ZNF503: variants seen among roughly 807,000 people sequenced by gnomAD.
ZNF503 encodes zinc finger protein 503.
ZNF503 carries 15 observed loss-of-function variants against 34.4 expected under a neutral mutation model. That is an observed-to-expected ratio of 0.44 (90% CI 0.29 to 0.67). ZNF503 has a LOEUF of 0.67. Ranked by LOEUF, ZNF503 falls within the 30% of genes least tolerant of loss-of-function variation. The pLI, the probability that ZNF503 is intolerant of heterozygous loss-of-function variation, is 0.13. For missense variants in ZNF503, 1,007 were observed against 926.8 expected (o/e 1.09, Z -1.12); for synonymous variants, 580 against 456.8 (o/e 1.27, Z -3.44).
the ZNF503 span, among the ~76,000 whole-genome samples, chr10:75,368,366 G>A: frequency 6.6e-6 from 1 of 152,020 alleles, no homozygotes; most frequent in African/African-American, 2.4e-5. Flanking sequence ...AGAAAGAGAA[G>A]GGTTCAAAAA....
At chr10:75,353,194 C>T in the ZNF503 span, among the ~76,000 whole-genome samples, 1 of 152,228 alleles carries the variant, frequency 6.6e-6, no homozygotes, top group African/African-American at 2.4e-5. Flanking sequence ...GCATTGTTTA[C>T]TGATGTTCAG....
chr10:75,400,306 G>C lies in ZNF503; in HGVS notation c.384C>G (p.Pro128=). The C allele has an allele frequency of 2.5e-6, 4 of 1,613,058 alleles. No individual in the cohort carries two copies. The highest frequency in any genetic ancestry group is 3.4e-6 in the Non-Finnish European group (4 of 1,179,600). The part of the protein sequence containing the change: ...QTCSQIGKPD[P]SPSSKLSSVA... ...CCGAGGAGAGTTTGGAGGAGGGCGA[G>C]GGGTCGGGCTTCCCGATCTGCGAAC... Residue 128 remains proline, a synonymous_variant, in exon 2 of 2, where the codon CCC becomes CCG. Transcript: ENST00000372524.
the ZNF503 span, among the ~76,000 whole-genome samples, chr10:75,311,818 T>C: frequency 6.6e-6 from 1 of 151,992 alleles, no homozygotes; most frequent in Non-Finnish European, 1.5e-5. Context: ...ATTAATACAG[T>C]TGTTTTCTCA....
chr10:75,316,690 A>G, the ZNF503 span, among the ~76,000 whole-genome samples: 1 of 152,194 alleles, frequency 6.6e-6, no homozygotes, highest in African/African-American at 2.4e-5. Flanking sequence ...AAATTTAAGA[A>G]GATAGGAATC....
chr10:75,376,982 G>A, the ZNF503 span, among the ~76,000 whole-genome samples: 1 of 152,190 alleles, frequency 6.6e-6, no homozygotes, highest in Non-Finnish European at 1.5e-5. Context: ...GGGATACAGA[G>A]CCAAACTATA....
At chr10:75,343,531 A>G in the ZNF503 span, among the ~76,000 whole-genome samples, 2 of 151,482 alleles carry the variant, frequency 1.3e-5, no homozygotes, top group Admixed American at 6.6e-5. Flanking sequence ...GCCTGTCTCT[A>G]CTCCCCACTG....
the ZNF503 span, among the ~76,000 whole-genome samples, chr10:75,372,817 C>T: frequency 6.6e-6 from 1 of 152,216 alleles, no homozygotes; most frequent in East Asian, 1.9e-4. Context: ...TTTGGGTCCC[C>T]ATGGCACCCT....
the ZNF503 span, among the ~76,000 whole-genome samples, chr10:75,370,459 C>T: frequency 2.0e-5 from 3 of 152,154 alleles, no homozygotes; most frequent in East Asian, 1.9e-4. Flanking sequence ...TGCTTGTGGC[C>T]GAATCCTGCG....
rs1843774741 is a variant in ZNF503, at chr10:75,400,258, C to T, written c.432G>A (p.Ala144=). ...LSSVASNGGG[A]GGAGGGAAGD... ...CCGCAGCACCGCCGCCGGCACCGCC[C>T]GCGCCGCCCCCGTTGGAGGCAACCG... The change falls in exon 2 of 2, where the codon GCG becomes GCA. Residue 144 remains alanine, a synonymous_variant. Coordinates refer to ENST00000372524, the MANE Select transcript of ZNF503 (RefSeq NM_032772.6). 2 of 1,612,680 alleles carry T rather than the reference C, an allele frequency of 1.2e-6. No individual in the cohort carries two copies. Among genetic ancestry groups the T allele is most frequent in the African/African-American group, 1.3e-5 (1 of 74,938 alleles).
the ZNF503 span, among the ~76,000 whole-genome samples, chr10:75,388,350 CAT>C: frequency 6.6e-6 from 1 of 152,212 alleles, no homozygotes; most frequent in African/African-American, 2.4e-5. Flanking sequence ...AAGCCACTAA[CAT>C]AACATCACTG....
chr10:75,378,173 G>A, the ZNF503 span, among the ~76,000 whole-genome samples: 1 of 152,080 alleles, frequency 6.6e-6, no homozygotes, highest in African/African-American at 2.4e-5. Context: ...CTCCAGCACT[G>A]GGGATTACAT....
At chr10:75,343,786 G>C in the ZNF503 span, among the ~76,000 whole-genome samples, 758 of 152,292 alleles carry the variant, frequency 5.0e-3, 3 homozygotes, top group Non-Finnish European at 5.2e-3. Flanking sequence ...GCCTGCTCCA[G>C]AGCACAGAGG....
At chr10:75,361,852 G>A in the ZNF503 span, among the ~76,000 whole-genome samples, 1 of 152,158 alleles carries the variant, frequency 6.6e-6, no homozygotes, top group Non-Finnish European at 1.5e-5. Context: ...TGTGTGCCTG[G>A]GCGTGGGAAG....
chr10:75,367,935 C>T, the ZNF503 span, among the ~76,000 whole-genome samples: 1 of 152,174 alleles, frequency 6.6e-6, no homozygotes, highest in African/African-American at 2.4e-5. Context: ...TTGGCCCTGC[C>T]TTTTTCCAAG....
chr10:75,333,387 G>A, the ZNF503 span, among the ~76,000 whole-genome samples: 1 of 49,138 alleles, frequency 2.0e-5, no homozygotes. Context: ...CCTCCCGGAC[G>A]GGGCGGCTGG....
At chr10:75,290,450 G>C in the ZNF503 span, among the ~76,000 whole-genome samples, 1 of 152,284 alleles carries the variant, frequency 6.6e-6, no homozygotes, top group South Asian at 2.1e-4. Context: ...CTAGGAACCA[G>C]CATTGCTGGA....
chr10:75,304,986 A>G, the ZNF503 span, among the ~76,000 whole-genome samples: 3 of 152,182 alleles, frequency 2.0e-5, no homozygotes. Context: ...GCTTAGATGA[A>G]AAGATGGCTA....
In ZNF503 at chr10:75,400,365, T is replaced by C. The variant is rs1303855672; in HGVS notation, c.325A>G (p.Lys109Glu). Residue 109 changes from lysine (K) to glutamate (E), a missense_variant, in exon 2 of 2, where the codon AAG becomes GAG. Transcript: ENST00000372524. ...GCCAACAGCGCCAGCGGGCTCTTCT[T>C]GGCATCGAGCTGCGGGGTCAGACGA... ...TPVSPIELDAKKSPLALLAQT... is the reference protein window; with the variant it reads ...TPVSPIELDAEKSPLALLAQT... The C allele has an allele frequency of 6.2e-7, 1 of 1,607,374 alleles. No homozygotes were observed. The highest frequency in any genetic ancestry group is 1.7e-5 in the Admixed American group (1 of 59,652).
chr10:75,324,155 A>G, the ZNF503 span, among the ~76,000 whole-genome samples: 2 of 152,210 alleles, frequency 1.3e-5, no homozygotes, highest in African/African-American at 4.8e-5. Flanking sequence ...TTGCAAAGCA[A>G]AATTTTTTAA....
Sources: allele counts gnomAD v4.1 joint callset (sites outside exome capture counted in the v4.1 genomes callset), GRCh38; gene constraint gnomAD v4.1.1; transcripts MANE v1.5; gene names NCBI Gene and HGNC (gene_info 2026-07-23, HGNC 2026-07-21).